DPP10: variants seen among roughly 807,000 people sequenced by gnomAD.
The protein encoded by DPP10 is inactive dipeptidyl peptidase 10.
Under a neutral mutation model 120.9 loss-of-function variants are expected in DPP10, and 33 were observed. The ratio of observed to expected loss-of-function variants is 0.27; its 90% CI spans 0.21 to 0.37. The LOEUF is 0.37. DPP10 is among the 10% of genes least tolerant of loss of function. The probability of loss-of-function intolerance (pLI) is 1.00; values close to 1 mark genes in which losing one functional copy is unlikely to be tolerated. For missense variants in DPP10, 816 were observed against 942.8 expected, an observed-to-expected ratio of 0.87 and a Z score of 1.76; for synonymous variants, 337 against 326.1, an observed-to-expected ratio of 1.03 and a Z score of -0.36.
At chr2:114,497,294 CAT>C (rs201448856) in intron 1 of DPP10, among the ~76,000 whole-genome samples, 8 of 54,862 alleles carry the variant, frequency 1.5e-4, no homozygotes, top group South Asian at 1.3e-3. Context: ...TATACATGTA[CAT>C]GTATACGTGT....
chr2:114,618,680 G>A (rs1693856477), intron 1 of DPP10, among the ~76,000 whole-genome samples: 1 of 151,954 alleles, frequency 6.6e-6, no homozygotes, highest in African/African-American at 2.4e-5. Flanking sequence ...TAACAAATCA[G>A]TAAGTTGGTA....
At chr2:115,220,632 T>C (rs1196473049) in intron 1 of DPP10, among the ~76,000 whole-genome samples, 1 of 152,212 alleles carries the variant, frequency 6.6e-6, no homozygotes, top group Non-Finnish European at 1.5e-5. Flanking sequence ...TTATGTATTG[T>C]GTAGATATAA....
rs554631508 is a variant in DPP10, at chr2:115,734,353, A to G, written c.698-5386A>G. ...GGGTATCTTTGTATCTTCAAATCTC[A>G]TAGAACTTAGAGTTTACGGTGGGGC... is the stretch of plus-strand genomic sequence containing the variant. On this transcript the variant is annotated intron_variant, in intron 8 of 25. Coordinates refer to ENST00000410059, the MANE Select transcript of DPP10 (RefSeq NM_020868.6). Among the ~76,000 whole-genome samples the G allele has an allele frequency of 3.9e-5, 6 of 152,190 alleles. 1 individual carries two copies. In the South Asian group the frequency reaches 1.0e-3, roughly 26 times the overall value.
At chr2:114,464,794 G>A (rs977524664) in intron 1 of DPP10, among the ~76,000 whole-genome samples, 2 of 152,094 alleles carry the variant, frequency 1.3e-5, no homozygotes, top group African/African-American at 4.8e-5. Flanking sequence ...GAACCCAGGA[G>A]GCAGAGATTG....
At chr2:114,695,087 T>C (rs1699990294) in intron 1 of DPP10, among the ~76,000 whole-genome samples, 2 of 151,968 alleles carry the variant, frequency 1.3e-5, no homozygotes, top group South Asian at 4.1e-4. Context: ...CAGTTTAAAA[T>C]GGAGGGGGTG....
intron 5 of DPP10, among the ~76,000 whole-genome samples, chr2:115,587,085 C>CTTTT (rs2082332468): frequency 9.9e-6 from 1 of 100,630 alleles, no homozygotes; most frequent in African/African-American, 4.6e-5. Context: ...TTTTTTTTCT[C>CTTTT]TTTCTTTTTT....
At chr2:114,974,490 A>G (rs2104812109) in intron 1 of DPP10, among the ~76,000 whole-genome samples, 1 of 146,664 alleles carries the variant, frequency 6.8e-6, no homozygotes, top group East Asian at 2.0e-4. Context: ...AGATTTCTGC[A>G]CACTGCAACC....
chr2:114,899,377 C>G (rs1410543813), intron 1 of DPP10, among the ~76,000 whole-genome samples: 1 of 152,016 alleles, frequency 6.6e-6, no homozygotes, highest in Non-Finnish European at 1.5e-5. Context: ...ACTAAATAAA[C>G]TGTTGTACAA....
In DPP10 at chr2:115,447,092, C is replaced by T. The variant is rs1387921956; in HGVS notation, c.272-52418C>T. ...GCAAAGCCACAGTGGTGGATCTGCC[C>T]AAGGCCATGTGAATACACCATTTGC... On this transcript the variant is annotated intron_variant, in intron 3 of 25. Coordinates refer to ENST00000410059, the MANE Select transcript of DPP10 (RefSeq NM_020868.6). Among the ~76,000 whole-genome samples, 3 of 152,086 alleles carry T rather than the reference C, an allele frequency of 2.0e-5. No homozygotes were observed. In the East Asian group the frequency reaches 5.8e-4, roughly 29 times the overall value.
intron 5 of DPP10, among the ~76,000 whole-genome samples, chr2:115,541,538 G>T (rs1056549364): frequency 6.6e-6 from 1 of 151,682 alleles, no homozygotes; most frequent in African/African-American, 2.4e-5. Flanking sequence ...CCTTTTATGC[G>T]TTATTAGTTT....
chr2:114,617,534 G>T (rs182180981), intron 1 of DPP10, among the ~76,000 whole-genome samples: 26 of 152,202 alleles, frequency 1.7e-4, no homozygotes, highest in African/African-American at 6.0e-4. Context: ...ACCAGTGGCA[G>T]TGTACTTAGG....
At chr2:114,467,081 C>T (rs116302973) in intron 1 of DPP10, among the ~76,000 whole-genome samples, 3,507 of 151,690 alleles carry the variant, frequency 0.023, 75 homozygotes, top group Non-Finnish European at 0.027. Flanking sequence ...GTTTAGAGCC[C>T]TACACTGACA....
At chr2:114,455,570 G>T (rs1678530502) in intron 1 of DPP10, among the ~76,000 whole-genome samples, 1 of 151,668 alleles carries the variant, frequency 6.6e-6, no homozygotes, top group Non-Finnish European at 1.5e-5. Context: ...TGTAAATACA[G>T]CTGTAGTTGG....
intron 2 of DPP10, among the ~76,000 whole-genome samples, chr2:115,333,823 A>G (rs545963475): frequency 2.0e-5 from 3 of 151,966 alleles, no homozygotes; most frequent in Non-Finnish European, 4.4e-5. Context: ...CCCTTTGTGG[A>G]TAACCCGACC....
chr2:115,192,952 A>G (rs1335189113), intron 1 of DPP10, among the ~76,000 whole-genome samples: 2 of 151,998 alleles, frequency 1.3e-5, no homozygotes, highest in East Asian at 3.9e-4. Flanking sequence ...ACGTTTCAAA[A>G]CTTGCTTAAA....
rs143555176 is a variant in DPP10 at position 115,057,048 on chromosome 2, C to G, written c.61-252191C>G. 2.3e-3 allele frequency among the ~76,000 whole-genome samples: 357 copies of G among 152,212 alleles called. 1 individual carries two copies. The highest frequency in any genetic ancestry group is 8.1e-3 in the African/African-American group (335 of 41,514). On this transcript the variant is annotated intron_variant, in intron 1 of 25. Coordinates refer to ENST00000410059, the MANE Select transcript of DPP10 (RefSeq NM_020868.6). Reference sequence around the variant, plus strand: ...GAACTATTTCCCCACTCCCTCATCCCCATGAAAAACAAAAGAAAAGAAAAA... The same window carrying G: ...GAACTATTTCCCCACTCCCTCATCCGCATGAAAAACAAAAGAAAAGAAAAA...
At chr2:115,346,679 C>G (rs2063726835) in intron 3 of DPP10, among the ~76,000 whole-genome samples, 1 of 152,174 alleles carries the variant, frequency 6.6e-6, no homozygotes. Flanking sequence ...TATCCACACA[C>G]ATTTGATAAT....
At chr2:115,106,804 G>A (rs1436601108) in intron 1 of DPP10, among the ~76,000 whole-genome samples, 3 of 152,090 alleles carry the variant, frequency 2.0e-5, no homozygotes, top group South Asian at 2.1e-4. Context: ...GGCCGGGCGC[G>A]GTGGCTCACG....
chr2:115,170,535 G>T (rs188164671), intron 1 of DPP10, among the ~76,000 whole-genome samples: 165 of 152,250 alleles, frequency 1.1e-3, no homozygotes, highest in African/African-American at 3.9e-3. Flanking sequence ...ATTATGAATA[G>T]ATTTTCTATC....
Sources: gnomAD v4.1 joint callset for allele counts (sites outside exome capture counted in the v4.1 genomes callset) on GRCh38, gnomAD v4.1.1 for gene constraint, MANE v1.5 for transcripts, NCBI Gene and HGNC (gene_info 2026-07-23, HGNC 2026-07-21) for gene names.